Variants in GET1 observed in about 807,000 individuals in gnomAD.
GET1 encodes guided entry of tail-anchored proteins factor 1, also known as congenital heart disease 5 protein.
GET1 carries 20 observed loss-of-function variants against 22.6 expected under a neutral mutation model. That is an observed-to-expected ratio of 0.89 (90% CI 0.62 to 1.29). GET1 has a LOEUF of 1.29. Among genes scored for constraint, GET1 ranks in the 50% most tolerant of loss-of-function variants. The pLI is 0.00. For synonymous variants in GET1, 92 were observed against 83.8 expected (o/e 1.10, Z -0.53); for missense variants, 209 against 219.9 (o/e 0.95, Z 0.31).
chr21:39,405,852 A>ATGGTTTGATAT, intron 4 of GET1: 1 of 1,470,552 alleles, frequency 6.8e-7, no homozygotes, highest in African/African-American at 1.4e-5. Context: ...CATTATATCA[A>ATGGTTTGATAT]ACCAGAATGC....
intron 1 of GET1, among the ~76,000 whole-genome samples, chr21:39,420,522 C>A (rs868134671): frequency 2.1e-3 from 185 of 87,092 alleles, no homozygotes; most frequent in South Asian, 5.1e-3. Flanking sequence ...GATTCTATCT[C>A]AAAAAAAAAA....
At chr21:39,392,814 G>A (rs944680213) in intron 3 of GET1, 8 of 214,342 alleles carry the variant, frequency 3.7e-5, no homozygotes, top group East Asian at 2.4e-4. Context: ...AAGCACACCC[G>A]TGTTATGGGA....
In GET1 at chr21:39,380,503, C is replaced by T. The variant is rs1251017981; in HGVS notation, c.102+17C>T. On this transcript the variant is annotated intron_variant, in intron 1 of 4. Transcript: ENST00000649170. ...TCATCCTTCGTAAGTGGCTGCCTGG[C>T]CTCCCAAGGGCCGGTGGGGATGCCG... The T allele has an allele frequency of 3.1e-6, 5 of 1,603,714 alleles. No homozygotes were observed. The East Asian group carries it at 6.7e-5, about 22-fold the overall frequency.
chr21:39,390,419 A>C (rs2038222291), intron 1 of GET1, among the ~76,000 whole-genome samples: 2 of 152,180 alleles, frequency 1.3e-5, no homozygotes, highest in Admixed American at 6.5e-5. Flanking sequence ...GGGTTGGGGT[A>C]TGGAGTGTAT....
rs2038318133 is a variant in GET1 at position 39,391,862 on chromosome 21, G to C, written c.336+26G>C. 6 of 1,613,566 alleles carry C rather than the reference G, an allele frequency of 3.7e-6. No homozygotes were observed. The East Asian group carries it at 8.9e-5, about 24-fold the overall frequency. On this transcript the variant is annotated intron_variant, in intron 3 of 4. Transcript: ENST00000649170. Reference sequence around the variant, plus strand: ...GTAAGTGTGCTAGAGCGTCAGCCGGGTCATTGGAGTTGGTGACCCCGGCCT... The same window carrying C: ...GTAAGTGTGCTAGAGCGTCAGCCGGCTCATTGGAGTTGGTGACCCCGGCCT...
chr21:39,399,354 A>G (rs1262265834), downstream of GET1, among the ~76,000 whole-genome samples: 1 of 152,232 alleles, frequency 6.6e-6, no homozygotes, highest in Non-Finnish European at 1.5e-5. Flanking sequence ...GACTCCATAG[A>G]ACTAGGGTGA....
downstream of GET1, among the ~76,000 whole-genome samples, chr21:39,400,566 G>A (rs1203605221): frequency 6.6e-6 from 1 of 152,170 alleles, no homozygotes; most frequent in Non-Finnish European, 1.5e-5. Context: ...ACCGTCAGGA[G>A]AATTTTCTAA....
chr21:39,391,271 C>T (rs1383776890), intron 2 of GET1: 1 of 220,632 alleles, frequency 4.5e-6, no homozygotes, highest in Non-Finnish European at 9.0e-6. Flanking sequence ...CCTCCCGGGT[C>T]CAGTGTCCTG....
At chr21:39,396,012 C>G (rs2038618054) in intron 4 of GET1, among the ~76,000 whole-genome samples, 1 of 152,218 alleles carries the variant, frequency 6.6e-6, no homozygotes, top group Non-Finnish European at 1.5e-5. Context: ...ATGCACATCT[C>G]TCTGGCAGGA....
chr21:39,394,323 CAAATA>C (rs939645760), intron 4 of GET1, among the ~76,000 whole-genome samples: 1 of 152,058 alleles, frequency 6.6e-6, no homozygotes, highest in African/African-American at 2.4e-5. Flanking sequence ...GAATCTGTGT[CAAATA>C]AAATAAAATA....
chr21:39,410,736 A>G (rs1369506101), downstream of GET1: 1 of 439,318 alleles, frequency 2.3e-6, no homozygotes, highest in Non-Finnish European at 4.6e-6. Context: ...TAGACTGTCC[A>G]TGCTGAAGCG....
At chr21:39,420,789 T>C (rs745625541) in intron 1 of GET1, 16 of 1,613,340 alleles carry the variant, frequency 9.9e-6, no homozygotes, top group Non-Finnish European at 9.3e-6. Context: ...CGAGTCTCAA[T>C]AGCCAGCTGC....
At chr21:39,415,628 AGTTT>A (rs1415543479) in intron 1 of GET1, among the ~76,000 whole-genome samples, 4 of 152,148 alleles carry the variant, frequency 2.6e-5, no homozygotes, top group Non-Finnish European at 5.9e-5. Context: ...TCAAATATCC[AGTTT>A]GTTTAACATT....
intron 1 of GET1, chr21:39,387,876 G>C: frequency 1.0e-6 from 1 of 974,930 alleles, no homozygotes; most frequent in South Asian, 4.7e-5. Flanking sequence ...AGGGGGAGGG[G>C]GGGGGATCTG....
downstream of GET1, chr21:39,406,757 A>G: frequency 1.6e-6 from 1 of 615,500 alleles, no homozygotes; most frequent in Non-Finnish European, 2.8e-6. Context: ...CATAGACAAA[A>G]GATTACAGAG....
intron 1 of GET1, among the ~76,000 whole-genome samples, chr21:39,412,634 GGA>G (rs1375363306): frequency 6.6e-6 from 1 of 152,114 alleles, no homozygotes; most frequent in Non-Finnish European, 1.5e-5. Flanking sequence ...GGTGGGGCGG[GGA>G]GAGAGAGCTC....
chr21:39,396,803 G>A, intron 4 of GET1, 63 bp from the exon 5 acceptor site: 1 of 1,454,704 alleles, frequency 6.9e-7, no homozygotes, highest in Non-Finnish European at 9.7e-7. Context: ...GTTAAAGACA[G>A]CAGAGACAGA....
rs138732299 is a variant in GET1, at chr21:39,417,137, T to C, written c.*23+6200T>C. Among the ~76,000 whole-genome samples the C allele has an allele frequency of 5.1e-3, 772 of 152,190 alleles. 9 individuals carry two copies. Among genetic ancestry groups the C allele is most frequent in the African/African-American group, 0.017 (722 of 41,534 alleles). On this transcript the variant is annotated intron_variant, in intron 1 of 1. Coordinates refer to the GET1 transcript ENST00000478273. ...AATCTCCGCCTCCTGGGTTCAAGCA[T>C]TTCTCCTGCCCCAGCCTCCTGAGTA...
At chr21:39,428,013 C>T in intron 1 of GET1, 1 of 562,142 alleles carries the variant, frequency 1.8e-6, no homozygotes, top group Non-Finnish European at 3.2e-6. Flanking sequence ...CTCTTAATTT[C>T]TCTATTTCCT....
Sources: allele counts gnomAD v4.1 joint callset (sites outside exome capture counted in the v4.1 genomes callset), GRCh38; gene constraint gnomAD v4.1.1; transcripts MANE v1.5; gene names NCBI Gene and HGNC (gene_info 2026-07-23, HGNC 2026-07-21).